FGF14: variants seen among roughly 807,000 people sequenced by gnomAD.
FGF14 encodes fibroblast growth factor homologous factor 4.
Under a neutral mutation model 25.5 loss-of-function variants are expected in FGF14, and 5 were observed. The ratio of observed to expected loss-of-function variants is 0.20; its 90% CI spans 0.10 to 0.41. The LOEUF is 0.41. Ranked by LOEUF, FGF14 falls within the 10% of genes least tolerant of loss-of-function variation. The probability of loss-of-function intolerance (pLI) is 1.00; values close to 1 mark genes in which losing one functional copy is unlikely to be tolerated. For synonymous variants in FGF14, 138 were observed against 118.3 expected (o/e 1.17, Z -1.08); for missense variants, 222 against 320.1 (o/e 0.69, Z 2.34).
chr13:102,384,526 G>A (rs956334850), intron 1 of FGF14, among the ~76,000 whole-genome samples: 4 of 152,108 alleles, frequency 2.6e-5, no homozygotes, highest in South Asian at 4.2e-4. Flanking sequence ...TTTCCTACCC[G>A]ACTAATCCTC....
At chr13:101,948,583 T>C (rs1389280120) in intron 1 of FGF14, among the ~76,000 whole-genome samples, 1 of 151,816 alleles carries the variant, frequency 6.6e-6, no homozygotes, top group African/African-American at 2.4e-5. Context: ...AATATTAAAA[T>C]GAGCTCATTC....
intron 1 of FGF14, among the ~76,000 whole-genome samples, chr13:102,008,520 G>C (rs371395860): frequency 6.6e-6 from 1 of 152,148 alleles, no homozygotes; most frequent in South Asian, 2.1e-4. Flanking sequence ...TCTTGCACTG[G>C]GAAAGTACAA....
intron 1 of FGF14, among the ~76,000 whole-genome samples, chr13:101,904,219 G>A (rs901516805): frequency 6.6e-6 from 1 of 152,182 alleles, no homozygotes; most frequent in East Asian, 1.9e-4. Flanking sequence ...CTACCTCCAG[G>A]GCTTTACCAG....
At chr13:101,745,553 T>C (rs73566213) in intron 3 of FGF14, among the ~76,000 whole-genome samples, 3,873 of 152,182 alleles carry the variant, frequency 0.025, 185 homozygotes, top group African/African-American at 0.088. Context: ...CAGTAATCTT[T>C]TTACTGTCTC....
At chr13:102,220,571 C>A (rs561867949) in intron 1 of FGF14, among the ~76,000 whole-genome samples, 1 of 152,298 alleles carries the variant, frequency 6.6e-6, no homozygotes, top group South Asian at 2.1e-4. Flanking sequence ...CATTATTCTC[C>A]TTAGTTAGTC....
intron 1 of FGF14, among the ~76,000 whole-genome samples, chr13:102,072,595 G>A (rs1004573507): frequency 1.3e-5 from 2 of 152,142 alleles, no homozygotes; most frequent in African/African-American, 4.8e-5. Flanking sequence ...ATAAGGGAGT[G>A]TTATACACTG....
At chr13:102,360,832 C>T (rs1341275080) in intron 1 of FGF14, among the ~76,000 whole-genome samples, 1 of 152,056 alleles carries the variant, frequency 6.6e-6, no homozygotes, top group Non-Finnish European at 1.5e-5. Flanking sequence ...CCACTGTATA[C>T]TCCATTCTAA....
chr13:101,847,117 A>G (rs2043504855), intron 3 of FGF14, among the ~76,000 whole-genome samples: 1 of 152,036 alleles, frequency 6.6e-6, no homozygotes, highest in East Asian at 1.9e-4. Flanking sequence ...AGACAGAACA[A>G]AAGAAAATGA....
intron 1 of FGF14, among the ~76,000 whole-genome samples, chr13:102,053,273 C>G (rs61966529): frequency 6.6e-6 from 1 of 151,904 alleles, no homozygotes; most frequent in Non-Finnish European, 1.5e-5. Flanking sequence ...ATAAGGAAAA[C>G]GAAACAGAAC....
intron 1 of FGF14, among the ~76,000 whole-genome samples, chr13:102,319,306 A>G (rs927168074): frequency 3.3e-5 from 5 of 152,244 alleles, no homozygotes; most frequent in Non-Finnish European, 5.9e-5. Context: ...ATGTCTAATC[A>G]TAGTTGGCAA....
intron 1 of FGF14, among the ~76,000 whole-genome samples, chr13:101,943,812 T>A (rs2035603967): frequency 2.2e-5 from 3 of 134,258 alleles, no homozygotes; most frequent in African/African-American, 9.2e-5. Context: ...TGTCTCTACT[T>A]AAAAAAAAAA....
At chr13:101,881,879 T>C (rs2045729574) in intron 1 of FGF14, among the ~76,000 whole-genome samples, 1 of 152,184 alleles carries the variant, frequency 6.6e-6, no homozygotes, top group Admixed American at 6.6e-5. Flanking sequence ...AAGACACTTA[T>C]GGTACTTTCA....
intron 1 of FGF14, among the ~76,000 whole-genome samples, chr13:102,267,316 A>G (rs2053036819): frequency 6.6e-6 from 1 of 152,210 alleles, no homozygotes; most frequent in Non-Finnish European, 1.5e-5. Flanking sequence ...CACTGTGCTT[A>G]GAACAGTGTG....
intron 1 of FGF14, among the ~76,000 whole-genome samples, chr13:101,969,721 G>A (rs2037479694): frequency 6.6e-6 from 1 of 152,150 alleles, no homozygotes; most frequent in African/African-American, 2.4e-5. Context: ...GTATGAACAA[G>A]TTGCTGCCTA....
chr13:101,723,083 T>A, intron 4 of FGF14, 116 bp from the exon 5 acceptor site: 1 of 1,210,262 alleles, frequency 8.3e-7, no homozygotes, highest in African/African-American at 1.5e-5. Context: ...TTCCCTGAAG[T>A]AAAGCAATTC....
At chr13:101,748,747 T>TAAAAAAAAAAAA in intron 3 of FGF14, among the ~76,000 whole-genome samples, 1 of 70,694 alleles carries the variant, frequency 1.4e-5, no homozygotes, top group Non-Finnish European at 2.6e-5. Context: ...TGGAGGTTTC[T>TAAAAAAAAAAAA]AAAAAAAAAA....
intron 1 of FGF14, among the ~76,000 whole-genome samples, chr13:102,008,188 T>C (rs1205259050): frequency 1.3e-5 from 2 of 152,154 alleles, no homozygotes; most frequent in Non-Finnish European, 2.9e-5. Flanking sequence ...TTGGTGTGTA[T>C]CTATTACGTA....
intron 1 of FGF14, among the ~76,000 whole-genome samples, chr13:101,960,279 T>G (rs1247842981): frequency 6.6e-6 from 1 of 152,204 alleles, no homozygotes; most frequent in Non-Finnish European, 1.5e-5. Flanking sequence ...CTATGGTGGT[T>G]TGCTGCACCT....
At chr13:101,782,218 TTTAA>T (rs1457692372) in intron 3 of FGF14, among the ~76,000 whole-genome samples, 9 of 148,540 alleles carry the variant, frequency 6.1e-5, no homozygotes, top group Admixed American at 3.9e-4. Context: ...GTTAGCCATA[TTTAA>T]TTACTTAGCC....
Sources: gnomAD v4.1 joint callset for allele counts (sites outside exome capture counted in the v4.1 genomes callset) on GRCh38, gnomAD v4.1.1 for gene constraint, MANE v1.5 for transcripts, NCBI Gene and HGNC (gene_info 2026-07-23, HGNC 2026-07-21) for gene names.